The following MAST2 variants were observed in gnomAD, a reference collection of about 807,000 sequenced individuals.
MAST2 encodes the protein microtubule associated serine/threonine kinase 2.
Under a neutral mutation model 147.4 loss-of-function variants are expected in MAST2, and 70 were observed. That is an observed-to-expected ratio of 0.47 (90% CI 0.39 to 0.58). MAST2 has a LOEUF of 0.58. MAST2 is among the 20% of genes least tolerant of loss of function. The pLI is 0.00. For synonymous variants in MAST2, 869 were observed against 896.8 expected (o/e 0.97, Z 0.55); for missense variants, 2,080 against 2,302.3 (o/e 0.90, Z 1.98).
intron 3 of MAST2, 151 bp downstream of exon 3, chr1:45,829,732 T>C: frequency 1.1e-6 from 1 of 894,450 alleles, no homozygotes; most frequent in Non-Finnish European, 1.6e-6. Flanking sequence ...TATTATTTTT[T>C]TTAGAGATAG....
chr1:45,839,052 C>T lies in MAST2; in HGVS notation c.468+9471C>T, dbSNP rs906755622. 6.6e-5 allele frequency among the ~76,000 whole-genome samples: 10 copies of T among 152,036 alleles called. No individual in the cohort carries two copies. The East Asian group carries it at 1.2e-3, about 18-fold the overall frequency. ...ATAGGGGTGTGATCTTGGCTCACTG[C>T]GACCTCCGCCTCCTGGGCTCCAGTG... On this transcript the variant is annotated intron_variant, in intron 3 of 28. Transcript: ENST00000361297.
rs758116217 is a variant in MAST2 at position 46,029,894 on chromosome 1, G to A, written c.2384G>A (p.Arg795His). The A allele has an allele frequency of 1.9e-5, 30 of 1,614,024 alleles. No individual in the cohort carries two copies. The Admixed American group carries it at 2.2e-4, about 12-fold the overall frequency. ...FTGLDWTGLL[R>H]QKAEFIPQLE... ...GGTCTGGACTGGACAGGACTTCTCC[G>A]CCAGAAGGCTGAATTTATTCCTCAG... Residue 795 changes from arginine to histidine, a missense_variant, in exon 20 of 29, where the codon CGC (arginine) becomes CAC (histidine). Around this residue, in one of 4 missense-constraint regions of MAST2, gnomAD observed 1,278 missense variants for 1,304.2 expected, o/e 0.98. Coordinates refer to ENST00000361297, the MANE Select transcript of MAST2 (RefSeq NM_015112.3).
chr1:46,000,014 A>C (rs1177853042), intron 6 of MAST2, among the ~76,000 whole-genome samples: 3 of 152,104 alleles, frequency 2.0e-5, no homozygotes, highest in Non-Finnish European at 4.4e-5. Flanking sequence ...ATGATGCTGC[A>C]TGAAAGAACA....
At chr1:45,861,111 A>G (rs535656243) in intron 3 of MAST2, among the ~76,000 whole-genome samples, 57 of 152,282 alleles carry the variant, frequency 3.7e-4, no homozygotes, top group African/African-American at 1.3e-3. Flanking sequence ...CAGCACCTCT[A>G]TTAAATCTTT....
chr1:45,832,972 T>C (rs555330091), intron 3 of MAST2, among the ~76,000 whole-genome samples: 4 of 152,156 alleles, frequency 2.6e-5, no homozygotes, highest in Non-Finnish European at 5.9e-5. Context: ...GCCCCCACAC[T>C]AGGCAACCAC....
At chr1:45,981,517 C>A (rs1347482084) in intron 5 of MAST2, among the ~76,000 whole-genome samples, 1 of 152,100 alleles carries the variant, frequency 6.6e-6, no homozygotes, top group Non-Finnish European at 1.5e-5. Context: ...AACTCCTGAG[C>A]CATAATTTTT....
chr1:46,013,918 C>T (rs960978094), intron 10 of MAST2, among the ~76,000 whole-genome samples: 38 of 152,204 alleles, frequency 2.5e-4, no homozygotes, highest in South Asian at 1.0e-3. Flanking sequence ...ACCAACTGCT[C>T]AACCTTTCTC....
At chr1:45,991,477 A>G (rs1420472068) in intron 5 of MAST2, among the ~76,000 whole-genome samples, 1 of 152,216 alleles carries the variant, frequency 6.6e-6, no homozygotes, top group Non-Finnish European at 1.5e-5. Context: ...ATTGCTTATA[A>G]TTAACATTTT....
In MAST2 at chr1:46,035,207, A is replaced by G. The variant is rs1203253215; in HGVS notation, c.4538A>G (p.Glu1513Gly). The G allele has an allele frequency of 6.2e-7, 1 of 1,613,946 alleles. No individual in the cohort carries two copies. The highest frequency in any genetic ancestry group is 1.3e-5 in the African/African-American group (1 of 74,930). ...GAGGACGACACCGAGGAAGGGCCTG[A>G]GAACAGCCAGGGTGCACAGGAGCTG... is the stretch of plus-strand genomic sequence containing the variant. ...SSEDDTEEGP[E>G]NSQGAQELSL... Residue 1513 changes from glutamate (E) to glycine (G), a missense_variant, in exon 29 of 29, where the codon GAG becomes GGG. Transcript: ENST00000361297. This position sits in a 1 kb window ranked among gnomAD's most constrained non-coding sequence, Gnocchi z 5.5.
At chr1:45,965,908 A>G (rs1661124320) in intron 5 of MAST2, among the ~76,000 whole-genome samples, 1 of 152,170 alleles carries the variant, frequency 6.6e-6, no homozygotes, top group Non-Finnish European at 1.5e-5. Context: ...ACTAGTTTAC[A>G]TTAAGATTCA....
intron 3 of MAST2, among the ~76,000 whole-genome samples, chr1:45,857,985 G>C (rs1311250664): frequency 6.6e-6 from 1 of 150,846 alleles, no homozygotes; most frequent in East Asian, 2.0e-4. Context: ...GTGTATATGT[G>C]CCACGTTTTC....
intron 4 of MAST2, among the ~76,000 whole-genome samples, chr1:45,952,299 G>A (rs993693800): frequency 2.0e-4 from 30 of 152,212 alleles, no homozygotes; most frequent in Admixed American, 3.9e-4. Context: ...TTCAGTTTCT[G>A]TGAAATGTCC....
At chr1:45,967,412 G>T (rs1448823544) in intron 5 of MAST2, among the ~76,000 whole-genome samples, 1 of 152,070 alleles carries the variant, frequency 6.6e-6, no homozygotes, top group Admixed American at 6.6e-5. Context: ...ACTACTAATA[G>T]CCTGCTGTTG....
rs1361541406 is a variant in MAST2 at position 45,824,513 on chromosome 1, A to G, written c.258A>G (p.Lys86=). ...PDIFSSTGKV[K]LQRQLSQDDC... ...TATTTTCATCCACTGGAAAAGTTAA[A>G]CTTCAGCGACAACTGAGTCAGGATG... is the stretch of plus-strand genomic sequence containing the variant. The change falls in exon 2 of 29, where the codon AAA becomes AAG. Residue 86 remains lysine, a synonymous_variant. Transcript: ENST00000361297. 1 of 1,612,124 alleles carries G rather than the reference A, an allele frequency of 6.2e-7. No homozygotes were observed. Among genetic ancestry groups the G allele is most frequent in the African/African-American group, 1.3e-5 (1 of 74,912 alleles).
At chr1:45,860,686 G>A (rs376778660) in intron 3 of MAST2, among the ~76,000 whole-genome samples, 2 of 151,996 alleles carry the variant, frequency 1.3e-5, no homozygotes, top group African/African-American at 4.8e-5. Context: ...ACAAAAATTA[G>A]CCAAGCGTAG....
chr1:46,016,841 A>T (rs563284892), intron 10 of MAST2, among the ~76,000 whole-genome samples: 19 of 152,182 alleles, frequency 1.2e-4, no homozygotes, highest in Admixed American at 8.5e-4. Context: ...GTTCATATGG[A>T]ACCAAAAAAG....
At chr1:45,962,915 T>C (rs1345010527) in intron 5 of MAST2, among the ~76,000 whole-genome samples, 2 of 152,256 alleles carry the variant, frequency 1.3e-5, no homozygotes, top group African/African-American at 4.8e-5. Flanking sequence ...TTTAAGTCTT[T>C]AATCCATCTT....
In MAST2 at chr1:45,804,074, T is replaced by C; in HGVS notation, c.177+2T>C. On this transcript the variant is annotated splice_donor_variant, in intron 1 of 28. Transcript: ENST00000361297. LOFTEE classifies it high-confidence loss of function. ...GCGGGGCCCGAGGGCAAGGAGCAGG[T>C]AGGGCGGGTTGGGATCCGGGAGGGT... 1.6e-6 allele frequency: 2 copies of C among 1,223,092 alleles called. No homozygotes were observed. The highest frequency in any genetic ancestry group is 2.1e-6 in the Non-Finnish European group (2 of 972,598). 75.8% of individuals were successfully genotyped at this position (1,223,092 alleles called of 1,614,324 possible). A position where few individuals can be genotyped will look rare whatever the true frequency, so the allele number is the denominator to read the frequency against.
At chr1:45,805,200 C>T (rs1281981472) in intron 1 of MAST2, among the ~76,000 whole-genome samples, 2 of 152,170 alleles carry the variant, frequency 1.3e-5, no homozygotes, top group Non-Finnish European at 1.5e-5. Context: ...AGGTGCCTAC[C>T]ACCATGTCCA....
Sources: allele counts gnomAD v4.1 joint callset (sites outside exome capture counted in the v4.1 genomes callset), GRCh38; gene constraint gnomAD v4.1.1; regional missense constraint gnomAD v4.1.1; non-coding constraint Gnocchi (gnomAD v3.1); transcripts MANE v1.5; gene names NCBI Gene and HGNC (gene_info 2026-07-23, HGNC 2026-07-21).